Variants in PLEKHA7 observed in about 807,000 individuals in gnomAD.
The protein encoded by PLEKHA7 is pleckstrin homology domain-containing family A member 7.
A neutral mutation model predicts 170.0 loss-of-function variants in PLEKHA7; 104 were observed. That is an observed-to-expected ratio of 0.61 (90% CI 0.52 to 0.72). The LOEUF is 0.72. PLEKHA7 is among the 30% of genes least tolerant of loss of function. PLEKHA7 has a pLI of 0.00. For missense variants in PLEKHA7, 1,615 were observed against 1,671.7 expected (o/e 0.97, Z 0.59); for synonymous variants, 648 against 660.8 (o/e 0.98, Z 0.30).
At chr11:16,896,011 C>T (rs546056721) in intron 3 of PLEKHA7, among the ~76,000 whole-genome samples, 7 of 152,306 alleles carry the variant, frequency 4.6e-5, no homozygotes, top group African/African-American at 1.2e-4. Context: ...ACAGGATACA[C>T]GATGGTCCCC....
At chr11:16,825,129 C>T (rs1850535836) in intron 10 of PLEKHA7, among the ~76,000 whole-genome samples, 1 of 152,268 alleles carries the variant, frequency 6.6e-6, no homozygotes, top group African/African-American at 2.4e-5. Flanking sequence ...TCCACTCTCA[C>T]AACTGCCCAG....
intron 3 of PLEKHA7, among the ~76,000 whole-genome samples, chr11:16,940,144 G>C (rs1860580921): frequency 6.6e-6 from 1 of 152,208 alleles, no homozygotes; most frequent in Non-Finnish European, 1.5e-5. Flanking sequence ...TCCAGGGGAA[G>C]AAGTACCACT....
intron 3 of PLEKHA7, among the ~76,000 whole-genome samples, chr11:16,883,901 T>C (rs1354732027): frequency 1.3e-5 from 2 of 152,210 alleles, no homozygotes; most frequent in Middle Eastern, 3.2e-3. Flanking sequence ...TCCAATTCAG[T>C]GTCAATCCCA....
intron 8 of PLEKHA7, among the ~76,000 whole-genome samples, chr11:16,850,343 G>A (rs533105463): frequency 1.3e-5 from 2 of 152,204 alleles, no homozygotes; most frequent in South Asian, 2.1e-4. Context: ...GCCAAGAGAG[G>A]GCCATGCCCT....
At chr11:16,938,957 C>T (rs79199188) in intron 3 of PLEKHA7, among the ~76,000 whole-genome samples, 2,630 of 152,208 alleles carry the variant, frequency 0.017, 88 homozygotes, top group African/African-American at 0.06. Context: ...AAGAAATACA[C>T]AAACACAATT....
chr11:16,996,225 G>A lies in PLEKHA7; in HGVS notation c.221+17764C>T, dbSNP rs116015491. Among the ~76,000 whole-genome samples the A allele has an allele frequency of 6.0e-3, 911 of 152,298 alleles. 9 individuals are homozygous for A. The highest frequency in any genetic ancestry group is 0.02 in the Middle Eastern group (6 of 294). ...TCATTTTACAGAGGTTACATAACCT[G>A]GCAGAGTTCCATAGCCATGAAGTCT... is the stretch of plus-strand genomic sequence containing the variant. On this transcript the variant is annotated intron_variant, in intron 3 of 26. Transcript: ENST00000531066.
intron 3 of PLEKHA7, among the ~76,000 whole-genome samples, chr11:16,881,069 A>G (rs764741524): frequency 3.3e-5 from 5 of 152,348 alleles, no homozygotes; most frequent in Middle Eastern, 3.4e-3. Context: ...GGTGTAGTTA[A>G]TGATACTTAT....
intron 3 of PLEKHA7, among the ~76,000 whole-genome samples, chr11:16,966,971 TA>T (rs1862412550): frequency 6.6e-6 from 1 of 152,168 alleles, no homozygotes; most frequent in African/African-American, 2.4e-5. Flanking sequence ...ACAAATGGGC[TA>T]CACATTAAAT....
intron 13 of PLEKHA7, among the ~76,000 whole-genome samples, chr11:16,806,613 C>T (rs1350362023): frequency 4.6e-5 from 7 of 152,216 alleles, no homozygotes; most frequent in Non-Finnish European, 1.0e-4. Flanking sequence ...GAGCTGGCCA[C>T]ATTGCAGTCC....
intron 3 of PLEKHA7, among the ~76,000 whole-genome samples, chr11:17,010,668 T>C (rs1043866799): frequency 3.3e-5 from 5 of 152,170 alleles, no homozygotes; most frequent in African/African-American, 1.2e-4. Context: ...ACTGAATACA[T>C]CCTGTAAAAC....
intron 3 of PLEKHA7, among the ~76,000 whole-genome samples, chr11:16,971,221 G>A (rs1330549832): frequency 6.6e-6 from 1 of 152,136 alleles, no homozygotes; most frequent in East Asian, 1.9e-4. Context: ...AAAAGGAGGA[G>A]AGTGACAATA....
At chr11:16,837,678 C>T (rs1197344321) in intron 9 of PLEKHA7, among the ~76,000 whole-genome samples, 2 of 152,038 alleles carry the variant, frequency 1.3e-5, no homozygotes, top group Non-Finnish European at 2.9e-5. Flanking sequence ...TATTAAAATA[C>T]ATGGGGGTTT....
At chr11:16,947,159 CAT>C (rs568449849) in intron 3 of PLEKHA7, among the ~76,000 whole-genome samples, 6 of 152,282 alleles carry the variant, frequency 3.9e-5, no homozygotes, top group Admixed American at 1.3e-4. Flanking sequence ...TCACCTCACA[CAT>C]GTTAGGAGGC....
At chr11:16,860,205 A>C (rs1049534734) in intron 4 of PLEKHA7, among the ~76,000 whole-genome samples, 3 of 152,232 alleles carry the variant, frequency 2.0e-5, no homozygotes, top group African/African-American at 7.2e-5. Flanking sequence ...GAGCCTGAAC[A>C]GGAAGACACT....
In PLEKHA7 at chr11:16,791,278, G is replaced by T. The variant is rs901454456; in HGVS notation, c.2746-79C>A. 10 of 1,368,946 alleles carry T rather than the reference G, an allele frequency of 7.3e-6. No individual in the cohort carries two copies. The African/African-American group carries it at 8.7e-5, about 12-fold the overall frequency. 84.8% of individuals were successfully genotyped at this position (1,368,946 alleles called of 1,614,324 possible). A position where few individuals can be genotyped will look rare whatever the true frequency, so the allele number is the denominator to read the frequency against. ...ACTGCTAGGTACTGCCACAGTGGAG[G>T]TTTAAAGGGTAGGAACAGGCCACAT... On this transcript the variant is annotated intron_variant, in intron 19 of 26. Transcript: ENST00000531066. The surrounding 1 kb of genome is among the most constrained non-coding windows in gnomAD (Gnocchi z 4.5).
chr11:16,952,977 T>C (rs2136519298), intron 3 of PLEKHA7, among the ~76,000 whole-genome samples: 1 of 152,384 alleles, frequency 6.6e-6, no homozygotes, highest in Non-Finnish European at 1.5e-5. Flanking sequence ...TTGAAAATAG[T>C]ATTTTTTTGA....
chr11:16,988,017 T>C (rs906115565), intron 3 of PLEKHA7, among the ~76,000 whole-genome samples: 1 of 152,250 alleles, frequency 6.6e-6, no homozygotes, highest in Non-Finnish European at 1.5e-5. Flanking sequence ...TGAAGTTGAC[T>C]GCACCTGTTA....
chr11:16,808,862 G>T (rs556007516), intron 13 of PLEKHA7, among the ~76,000 whole-genome samples: 1 of 152,278 alleles, frequency 6.6e-6, no homozygotes, highest in African/African-American at 2.4e-5. Flanking sequence ...CTTTAGAGTG[G>T]GCAAAGCGTG....
intron 3 of PLEKHA7, among the ~76,000 whole-genome samples, chr11:16,972,862 C>T (rs1179752135): frequency 6.6e-6 from 1 of 152,182 alleles, no homozygotes; most frequent in East Asian, 1.9e-4. Context: ...CTAGAAACCT[C>T]GGCCAGTAAC....
Sources: gnomAD v4.1 joint callset for allele counts (sites outside exome capture counted in the v4.1 genomes callset) on GRCh38, gnomAD v4.1.1 for gene constraint, Gnocchi (gnomAD v3.1) non-coding constraint, MANE v1.5 for transcripts, NCBI Gene and HGNC (gene_info 2026-07-23, HGNC 2026-07-21) for gene names.